RNFT2: variants seen among roughly 807,000 people sequenced by gnomAD.
RNFT2 encodes the protein ring finger protein, transmembrane 2.
Under a neutral mutation model 53.0 loss-of-function variants are expected in RNFT2, and 36 were observed. The ratio of observed to expected loss-of-function variants is 0.68; its 90% CI spans 0.52 to 0.90. The LOEUF (loss-of-function observed/expected upper bound fraction) is 0.90. Among genes scored for constraint, RNFT2 ranks in the 40% least tolerant of loss-of-function variants. The probability of loss-of-function intolerance (pLI) is 0.00; values close to 1 mark genes in which losing one functional copy is unlikely to be tolerated. For missense variants in RNFT2, 514 were observed against 585.6 expected, an observed-to-expected ratio of 0.88 and a Z score of 1.26; for synonymous variants, 260 against 253.2, an observed-to-expected ratio of 1.03 and a Z score of -0.26.
At chr12:116,742,265 CTTT>C (rs769733957) in intron 3 of RNFT2, among the ~76,000 whole-genome samples, 53 of 112,202 alleles carry the variant, frequency 4.7e-4, no homozygotes, top group African/African-American at 1.4e-3. Context: ...GAGGTGGTTT[CTTT>C]TTTTTTTTTT....
intron 7 of RNFT2, 53 bp downstream of exon 7, chr12:116,779,401 G>A: frequency 6.3e-7 from 1 of 1,597,288 alleles, no homozygotes; most frequent in Non-Finnish European, 8.6e-7. Flanking sequence ...ATCATGCAGA[G>A]GATTCAGGGT....
chr12:116,806,178 C>T (rs925467410), intron 7 of RNFT2, among the ~76,000 whole-genome samples: 1 of 151,732 alleles, frequency 6.6e-6, no homozygotes, highest in Non-Finnish European at 1.5e-5. Flanking sequence ...GCCAGGAGTT[C>T]GAGACCAGCC....
At chr12:116,814,114 T>C (rs570893524) in intron 7 of RNFT2, among the ~76,000 whole-genome samples, 3 of 152,170 alleles carry the variant, frequency 2.0e-5, no homozygotes, top group Admixed American at 6.5e-5. Context: ...ATGATAGTCA[T>C]TGTCATGGCA....
At chr12:116,819,718 C>T (rs1223491415) in intron 7 of RNFT2, among the ~76,000 whole-genome samples, 1 of 152,218 alleles carries the variant, frequency 6.6e-6, no homozygotes, top group African/African-American at 2.4e-5. Flanking sequence ...TCCTGGCTCG[C>T]CCTTCTCTTG....
At chr12:116,796,654 C>A (rs1874515420) in intron 7 of RNFT2, among the ~76,000 whole-genome samples, 1 of 152,214 alleles carries the variant, frequency 6.6e-6, no homozygotes, top group African/African-American at 2.4e-5. Context: ...CACTTTTGCT[C>A]TCAAAGTGGT....
At chr12:116,788,223 A>G (rs12309159) in intron 7 of RNFT2, among the ~76,000 whole-genome samples, 15,940 of 152,244 alleles carry the variant, frequency 0.1, 2,398 homozygotes, top group African/African-American at 0.33. Flanking sequence ...CACTGCGCCC[A>G]GCCTCTTTTG....
In RNFT2 at chr12:116,841,760, A is replaced by AATATAAATATAT. The variant is rs1877262140; in HGVS notation, c.1200+5484_1200+5495dup. On this transcript the variant is annotated intron_variant, in intron 10 of 10. Transcript: ENST00000257575. Reference sequence around the variant, plus strand: ...AAGATTCTGTCTCAAAAAATATATAAATATAAATATATATATATAAATATA... The same window carrying AATATAAATATAT: ...AAGATTCTGTCTCAAAAAATATATAAATATAAATATATATATAAATATATATATATAAATATA... 1.7e-5 allele frequency among the ~76,000 whole-genome samples: 2 copies of AATATAAATATAT among 118,076 alleles called. 1 individual carries two copies. Among genetic ancestry groups the AATATAAATATAT allele is most frequent in the African/African-American group, 6.5e-5 (2 of 30,862 alleles). The allele number at this position is 118,076 out of a possible 152,430, so 77.5% of individuals were successfully genotyped here.
chr12:116,742,131 A>G (rs1188092123), intron 3 of RNFT2, among the ~76,000 whole-genome samples: 1 of 152,148 alleles, frequency 6.6e-6, no homozygotes, highest in Non-Finnish European at 1.5e-5. Context: ...CAGAGGGCAG[A>G]AAGGACCGAG....
chr12:116,752,986 G>T (rs1400167547), intron 4 of RNFT2, among the ~76,000 whole-genome samples: 1 of 152,088 alleles, frequency 6.6e-6, no homozygotes, highest in Non-Finnish European at 1.5e-5. Flanking sequence ...TTGTAGCTTG[G>T]CAAACAGTGG....
At chr12:116,782,033 C>CGCACCACT (rs1167532133) in intron 7 of RNFT2, 5 of 124,246 alleles carry the variant, frequency 4.0e-5, no homozygotes, top group Non-Finnish European at 8.0e-5. Context: ...GAGCCAAGAT[C>CGCACCACT]GCACCACTGC....
chr12:116,811,325 G>A (rs993157895), intron 7 of RNFT2, among the ~76,000 whole-genome samples: 21 of 151,952 alleles, frequency 1.4e-4, no homozygotes, highest in African/African-American at 4.6e-4. Flanking sequence ...CAATGCAGGT[G>A]GAGGTGATTT....
At chr12:116,771,493 A>AT (rs1873190150) in intron 6 of RNFT2, among the ~76,000 whole-genome samples, 1 of 76,190 alleles carries the variant, frequency 1.3e-5, no homozygotes, top group African/African-American at 3.8e-5. Context: ...AAAAAAAAAA[A>AT]AATACGTATA....
Position 116,841,768 on chromosome 12 carries a change from T to TATATATATATAAATATATATATAA in RNFT2, c.1200+5509_1200+5510insAATATATATATAAATATATATATA, listed in dbSNP as rs1555210400. On this transcript the variant is annotated intron_variant, in intron 10 of 10. Coordinates refer to ENST00000257575, the MANE Select transcript of RNFT2 (RefSeq NM_001382266.1). ...GTCTCAAAAAATATATAAATATAAA[T>TATATATATATAAATATATATATAA]ATATATATATAAATATATATATATA... 2.1e-3 allele frequency among the ~76,000 whole-genome samples: 202 copies of TATATATATATAAATATATATATAA among 96,674 alleles called. 4 individuals are homozygous for TATATATATATAAATATATATATAA. The highest frequency in any genetic ancestry group is 4.7e-3 in the Middle Eastern group (1 of 212). 63.4% of individuals were successfully genotyped at this position (96,674 alleles called of 152,430 possible).
At chr12:116,791,544 A>C (rs1874231572) in intron 7 of RNFT2, among the ~76,000 whole-genome samples, 1 of 152,200 alleles carries the variant, frequency 6.6e-6, no homozygotes, top group African/African-American at 2.4e-5. Context: ...TCCTGACCTC[A>C]GGTGATCTGC....
In RNFT2 at chr12:116,806,397, TATAG is replaced by T. The variant is rs71095599; in HGVS notation, c.882+27080_882+27083del. Among the ~76,000 whole-genome samples the T allele has an allele frequency of 2.5e-3, 323 of 131,660 alleles. 2 individuals are homozygous for T. The highest frequency in any genetic ancestry group is 8.6e-3 in the African/African-American group (289 of 33,430). The allele number at this position is 131,660 out of a possible 152,430, so 86.4% of individuals were successfully genotyped here. A position where few individuals can be genotyped will look rare whatever the true frequency, so the allele number is the denominator to read the frequency against. On this transcript the variant is annotated intron_variant, in intron 7 of 10. Coordinates refer to ENST00000257575, the MANE Select transcript of RNFT2 (RefSeq NM_001382266.1). ...AAAAAAAAAAATATATATATATATA[TATAG>T]ATAGATAGATAGATAGATAGATAGA...
chr12:116,808,264 G>GT (rs1479152080), intron 7 of RNFT2, among the ~76,000 whole-genome samples: 2 of 151,838 alleles, frequency 1.3e-5, no homozygotes, highest in Non-Finnish European at 2.9e-5. Flanking sequence ...TAATTTTTAA[G>GT]TTTTTTATAG....
chr12:116,788,862 A>G lies in RNFT2; in HGVS notation c.882+9514A>G, dbSNP rs577795082. 7.7e-5 allele frequency among the ~76,000 whole-genome samples: 11 copies of G among 142,638 alleles called. No homozygotes were observed. The South Asian group carries it at 1.7e-3, about 22-fold the overall frequency. The allele number at this position is 142,638 out of a possible 152,430, so 93.6% of individuals were successfully genotyped here. A position where few individuals can be genotyped will look rare whatever the true frequency, so the allele number is the denominator to read the frequency against. ...TGGATGGATGGATAAATGGGAGGAG[A>G]GTGGATGGATGAATGGGTAGGTGGA... On this transcript the variant is annotated intron_variant, in intron 7 of 10. Coordinates refer to ENST00000257575, the MANE Select transcript of RNFT2 (RefSeq NM_001382266.1).
intron 7 of RNFT2, among the ~76,000 whole-genome samples, chr12:116,817,443 C>G (rs923393118): frequency 3.3e-5 from 5 of 152,234 alleles, no homozygotes; most frequent in African/African-American, 1.2e-4. Context: ...AGCCACTGCA[C>G]CAGCCTGATT....
At chr12:116,839,089 G>A (rs934226536) in intron 10 of RNFT2, among the ~76,000 whole-genome samples, 3 of 152,214 alleles carry the variant, frequency 2.0e-5, no homozygotes, top group Non-Finnish European at 4.4e-5. Flanking sequence ...TGCTTCTCCA[G>A]ACTAGTCACG....
Sources: gnomAD v4.1 joint callset for allele counts (sites outside exome capture counted in the v4.1 genomes callset) on GRCh38, gnomAD v4.1.1 for gene constraint, MANE v1.5 for transcripts, NCBI Gene and HGNC (gene_info 2026-07-23, HGNC 2026-07-21) for gene names.